The following IGF1R variants were observed in gnomAD, a reference collection of about 807,000 sequenced individuals.
IGF1R encodes the protein insulin-like growth factor 1 receptor.
Under a neutral mutation model 144.6 loss-of-function variants are expected in IGF1R, and 44 were observed. The ratio of observed to expected loss-of-function variants is 0.30; its 90% CI spans 0.24 to 0.39. The LOEUF (loss-of-function observed/expected upper bound fraction) is 0.39. Among genes scored for constraint, IGF1R ranks in the 10% least tolerant of loss-of-function variants. The probability of loss-of-function intolerance (pLI) is 1.00; values close to 1 mark genes in which losing one functional copy is unlikely to be tolerated. For missense variants in IGF1R, 1,355 were observed against 1,833.7 expected (o/e 0.74, Z 4.77); for synonymous variants, 795 against 722.8 (o/e 1.10, Z -1.60).
At chr15:98,884,711 C>T (rs913132259) in intron 2 of IGF1R, among the ~76,000 whole-genome samples, 16 of 142,526 alleles carry the variant, frequency 1.1e-4, no homozygotes, top group African/African-American at 4.0e-4. Flanking sequence ...AAAAGAAATT[C>T]TGTACCCTTC....
intron 2 of IGF1R, among the ~76,000 whole-genome samples, chr15:98,719,340 C>T (rs2054193624): frequency 6.6e-6 from 1 of 151,304 alleles, no homozygotes; most frequent in African/African-American, 2.5e-5. Flanking sequence ...CCTCCTCCCA[C>T]CCCTGCCTTA....
intron 2 of IGF1R, among the ~76,000 whole-genome samples, chr15:98,726,054 G>A (rs72767973): frequency 6.6e-6 from 1 of 152,154 alleles, no homozygotes; most frequent in Admixed American, 6.5e-5. Context: ...AGCAAGGACT[G>A]TGTTCGTGAT....
At chr15:98,730,574 C>T (rs957349413) in intron 2 of IGF1R, among the ~76,000 whole-genome samples, 23 of 152,162 alleles carry the variant, frequency 1.5e-4, no homozygotes, top group Admixed American at 1.3e-3. Context: ...CTCCTGTTTT[C>T]CTGTGAAAAT....
intron 2 of IGF1R, among the ~76,000 whole-genome samples, chr15:98,846,892 T>C (rs1360311924): frequency 1.3e-5 from 2 of 152,236 alleles, no homozygotes; most frequent in African/African-American, 2.4e-5. Context: ...TTGCTGAAAA[T>C]GACCCAGGAA....
intron 1 of IGF1R, among the ~76,000 whole-genome samples, chr15:98,652,955 A>G (rs2052405855): frequency 6.6e-6 from 1 of 150,762 alleles, no homozygotes; most frequent in Non-Finnish European, 1.5e-5. Flanking sequence ...TTTTAAAGAA[A>G]TGTGATCAGG....
rs137947710 is a variant in IGF1R at position 98,953,188 on chromosome 15, G to T, written c.3723-3873G>T. The T allele has an allele frequency of 6.6e-5, 10 of 152,298 alleles. No individual in the cohort carries two copies. In the East Asian group the frequency reaches 1.7e-3, roughly 26 times the overall value. 9.4% of individuals were successfully genotyped at this position (152,298 alleles called of 1,614,324 possible). ...GTGACACTAGGGGCTGAAGGAGCTC[G>T]GTGGCTGCAGGTGGACTGGAGCTCA... On this transcript the variant is annotated intron_variant, in intron 20 of 20. Transcript: ENST00000650285.
intron 2 of IGF1R, among the ~76,000 whole-genome samples, chr15:98,847,414 G>A: frequency 6.6e-6 from 1 of 152,200 alleles, no homozygotes. Context: ...GTACCATCTG[G>A]AAAGGAAAAG....
At chr15:98,698,574 T>C (rs1179553498) in intron 1 of IGF1R, among the ~76,000 whole-genome samples, 2 of 152,260 alleles carry the variant, frequency 1.3e-5, no homozygotes, top group Non-Finnish European at 2.9e-5. Flanking sequence ...CTTATTTCAC[T>C]TAGCATAATG....
At chr15:98,809,370 C>T (rs1463293692) in intron 2 of IGF1R, among the ~76,000 whole-genome samples, 1 of 152,174 alleles carries the variant, frequency 6.6e-6, no homozygotes, top group Non-Finnish European at 1.5e-5. Flanking sequence ...CAAGGGCTTC[C>T]TTCTGCGAAG....
At chr15:98,778,283 C>T (rs562713832) in intron 2 of IGF1R, among the ~76,000 whole-genome samples, 1 of 152,290 alleles carries the variant, frequency 6.6e-6, no homozygotes, top group South Asian at 2.1e-4. Context: ...GAGGCATGTT[C>T]TATCTGTCTT....
At chr15:98,741,104 CTT>C (rs1218131479) in intron 2 of IGF1R, among the ~76,000 whole-genome samples, 68 of 152,074 alleles carry the variant, frequency 4.5e-4, no homozygotes, top group Admixed American at 1.0e-3. Context: ...TGTTTCTAAA[CTT>C]TGTCTTTTAG....
At chr15:98,863,560 G>C (rs1413964072) in intron 2 of IGF1R, among the ~76,000 whole-genome samples, 3 of 152,144 alleles carry the variant, frequency 2.0e-5, no homozygotes, top group Non-Finnish European at 4.4e-5. Context: ...TTAACAGTGA[G>C]GGACATAAAC....
chr15:98,650,061 C>T (rs1239281036), intron 1 of IGF1R, among the ~76,000 whole-genome samples: 1 of 149,022 alleles, frequency 6.7e-6, no homozygotes, highest in African/African-American at 2.6e-5. Context: ...CCTCTCCGCA[C>T]ACAGCGCTGA....
chr15:98,872,478 G>A (rs2012834886), intron 2 of IGF1R, among the ~76,000 whole-genome samples: 1 of 152,154 alleles, frequency 6.6e-6, no homozygotes, highest in Non-Finnish European at 1.5e-5. Flanking sequence ...AGCTGAGCAG[G>A]CAGAATTAGC....
chr15:98,803,331 A>C (rs968963307), intron 2 of IGF1R, among the ~76,000 whole-genome samples: 4 of 152,056 alleles, frequency 2.6e-5, no homozygotes, highest in Non-Finnish European at 5.9e-5. Context: ...TGCAGTAAAA[A>C]ATATAGTGTA....
Position 98,669,111 on chromosome 15 carries a change from C to G in IGF1R, c.94+19436C>G, listed in dbSNP as rs375041350. ...GACTGTAAAATCAGTATCGATCAAGCCTTCCTGTTCATCCTGTGAGCAGTT... is the reference window on the plus strand; with the variant it reads ...GACTGTAAAATCAGTATCGATCAAGGCTTCCTGTTCATCCTGTGAGCAGTT... On this transcript the variant is annotated intron_variant, in intron 1 of 20. Transcript: ENST00000650285. Among the ~76,000 whole-genome samples, 3 of 152,294 alleles carry G rather than the reference C, an allele frequency of 2.0e-5. No individual in the cohort carries two copies. The East Asian group carries it at 5.8e-4, about 29-fold the overall frequency.
chr15:98,669,482 C>T lies in IGF1R; in HGVS notation c.94+19807C>T, dbSNP rs147636365. Reference sequence around the variant, plus strand: ...CACCTTTTCTTTGGCTTTGTTAGAACGTTGCCCTCAGGGTCATATGTGCTG... The same window carrying T: ...CACCTTTTCTTTGGCTTTGTTAGAATGTTGCCCTCAGGGTCATATGTGCTG... On this transcript the variant is annotated intron_variant, in intron 1 of 20. Coordinates refer to ENST00000650285, the MANE Select transcript of IGF1R (RefSeq NM_000875.5). Among the ~76,000 whole-genome samples, 276 of 152,268 alleles carry T rather than the reference C, an allele frequency of 1.8e-3. 3 individuals carry two copies. The highest frequency in any genetic ancestry group is 6.3e-3 in the African/African-American group (262 of 41,560).
intron 2 of IGF1R, among the ~76,000 whole-genome samples, chr15:98,709,228 C>A (rs1269461974): frequency 6.6e-6 from 1 of 152,240 alleles, no homozygotes; most frequent in Non-Finnish European, 1.5e-5. Flanking sequence ...AGGCGAGACC[C>A]CACAGGGGTG....
rs2013929823 is a variant in IGF1R at position 98,891,689 on chromosome 15, C to G, written c.953+52C>G. ...CTACCCGCCCCACCTCACCCGCCACCCTAGCACACAAAGGTAGACTCTGTC... is the reference window on the plus strand; with the variant it reads ...CTACCCGCCCCACCTCACCCGCCACGCTAGCACACAAAGGTAGACTCTGTC... On this transcript the variant is annotated intron_variant, in intron 3 of 20. Transcript: ENST00000650285. This position sits in a 1 kb window ranked among gnomAD's most constrained non-coding sequence, Gnocchi z 4.7. 6.5e-7 allele frequency: 1 copy of G among 1,546,350 alleles called. No homozygotes were observed. The highest frequency in any genetic ancestry group is 8.8e-7 in the Non-Finnish European group (1 of 1,135,134).
Sources: gnomAD v4.1 joint callset for allele counts (sites outside exome capture counted in the v4.1 genomes callset) on GRCh38, gnomAD v4.1.1 for gene constraint, Gnocchi (gnomAD v3.1) non-coding constraint, MANE v1.5 for transcripts, NCBI Gene and HGNC (gene_info 2026-07-23, HGNC 2026-07-21) for gene names.